Variants in ZNF664 observed in about 807,000 individuals in gnomAD.
The protein encoded by ZNF664 is zinc finger Organ of Corti 1.
ZNF664 carries 10 observed loss-of-function variants against 18.2 expected under a neutral mutation model. The observed-to-expected ratio is 0.55, with a 90% confidence interval of 0.34 to 0.93. The LOEUF is 0.93. Ranked by LOEUF, ZNF664 falls within the 40% of genes least tolerant of loss-of-function variation. The pLI is 0.02. For synonymous variants in ZNF664, 119 were observed against 104.2 expected, an observed-to-expected ratio of 1.14 and a Z score of -0.86; for missense variants, 193 against 319.0, an observed-to-expected ratio of 0.61 and a Z score of 3.01.
intron 2 of ZNF664, among the ~76,000 whole-genome samples, chr12:123,978,967 A>T (rs1433140407): frequency 6.6e-6 from 1 of 152,240 alleles, no homozygotes; most frequent in Admixed American, 6.5e-5. Context: ...GAAAGATCCT[A>T]CTTCACATTC....
At chr12:124,010,266 A>T (rs1187857223) in intron 3 of ZNF664, among the ~76,000 whole-genome samples, 1 of 152,198 alleles carries the variant, frequency 6.6e-6, no homozygotes, top group Non-Finnish European at 1.5e-5. Flanking sequence ...TTAACATTAC[A>T]TCTCCTCAAA....
chr12:124,007,989 T>TAATC (rs1305776505), intron 3 of ZNF664, among the ~76,000 whole-genome samples: 1 of 152,224 alleles, frequency 6.6e-6, no homozygotes, highest in Non-Finnish European at 1.5e-5. Flanking sequence ...GCACACAGTG[T>TAATC]AATCTCATAC....
Position 123,973,929 on chromosome 12 carries a change from G to A in ZNF664, c.-848G>A. On this transcript the variant is annotated 5_prime_UTR_variant, in exon 2 of 5. Coordinates refer to ENST00000337815, the MANE Select transcript of ZNF664 (RefSeq NM_152437.3). The stretch of plus-strand genomic sequence containing the variant: ...GAGGAGGCGAGCATCCCGCTCAGGT[G>A]ATGAGGAACCCCTCGCGCACCCAGC... 8.1e-7 allele frequency: 1 copy of A among 1,231,960 alleles called. No individual in the cohort carries two copies. Among genetic ancestry groups the A allele is most frequent in the Non-Finnish European group, 1.0e-6 (1 of 988,120 alleles). 76.3% of individuals were successfully genotyped at this position (1,231,960 alleles called of 1,614,324 possible). A position where few individuals can be genotyped will look rare whatever the true frequency, so the allele number is the denominator to read the frequency against.
chr12:123,985,384 A>G (rs575354594), intron 2 of ZNF664, among the ~76,000 whole-genome samples: 1 of 152,340 alleles, frequency 6.6e-6, no homozygotes, highest in East Asian at 1.9e-4. Flanking sequence ...TATTCATGAC[A>G]TTTGAGGGAG....
intron 3 of ZNF664, among the ~76,000 whole-genome samples, chr12:124,007,483 G>T (rs111630369): frequency 0.013 from 2,007 of 150,694 alleles, 33 homozygotes; most frequent in African/African-American, 0.034. Flanking sequence ...TCGCTGCCCT[G>T]CAGCCACTGC....
In ZNF664 at chr12:124,012,561, A is replaced by C; in HGVS notation, c.417A>C (p.Gly139=). ...NLCMHQRVHT[G]EKPFKCEECG... is the part of the protein sequence containing the mutation. ...GCATGCATCAGAGAGTCCACACCGG[A>C]GAGAAGCCCTTTAAATGTGAAGAGT... The change falls in exon 5 of 5, where the codon GGA becomes GGC. Residue 139 remains glycine (G), a synonymous_variant. Coordinates refer to ENST00000337815, the MANE Select transcript of ZNF664 (RefSeq NM_152437.3). The C allele has an allele frequency of 6.2e-7, 1 of 1,614,024 alleles. No individual in the cohort carries two copies. The highest frequency in any genetic ancestry group is 8.5e-7 in the Non-Finnish European group (1 of 1,179,964).
At chr12:124,008,141 T>C (rs1210576409) in intron 3 of ZNF664, among the ~76,000 whole-genome samples, 3 of 152,206 alleles carry the variant, frequency 2.0e-5, no homozygotes, top group African/African-American at 7.2e-5. Context: ...CGGCTTTTTT[T>C]CCCTCGTGTC....
chr12:124,012,130 T>C lies in ZNF664; in HGVS notation c.-15T>C. 6.3e-7 allele frequency: 1 copy of C among 1,592,446 alleles called. No homozygotes were observed. The highest frequency in any genetic ancestry group is 1.7e-4 in the Middle Eastern group (1 of 5,912). On this transcript the variant is annotated 5_prime_UTR_variant, in exon 5 of 5. Transcript: ENST00000337815. ...GGAAATTTTCTCCTTGAAATCACGA[T>C]ACCAAATAGGAAAAATGATCTACAA...
At chr12:123,980,156 G>A (rs780842538) in intron 2 of ZNF664, among the ~76,000 whole-genome samples, 1 of 152,162 alleles carries the variant, frequency 6.6e-6, no homozygotes, top group Non-Finnish European at 1.5e-5. Flanking sequence ...ATAAGAATTA[G>A]AAAAAGACTA....
intron 2 of ZNF664, among the ~76,000 whole-genome samples, chr12:123,984,790 T>A (rs1269661060): frequency 6.6e-6 from 1 of 152,048 alleles, no homozygotes; most frequent in East Asian, 1.9e-4. Context: ...AAGAAAAGAC[T>A]GTGTTAAGAA....
chr12:123,999,158 A>G (rs1395396080), intron 3 of ZNF664, among the ~76,000 whole-genome samples: 1 of 152,196 alleles, frequency 6.6e-6, no homozygotes, highest in East Asian at 1.9e-4. Context: ...TGCTGTATGC[A>G]TGTGGGGAGA....
At chr12:123,993,312 A>G (rs1956909907) in intron 3 of ZNF664, among the ~76,000 whole-genome samples, 1 of 152,212 alleles carries the variant, frequency 6.6e-6, no homozygotes, top group Non-Finnish European at 1.5e-5. Flanking sequence ...TCTTTGGGAC[A>G]TGAATCTGCC....
At position 123,974,091 on chromosome 12, in the gene ZNF664, G is replaced by C. The variant is rs1003745513; in HGVS notation, c.-757+71G>C. The C allele has an allele frequency of 3.7e-6, 4 of 1,090,296 alleles. No individual in the cohort carries two copies. In the South Asian group the frequency reaches 1.4e-4, roughly 38 times the overall value. The allele number at this position is 1,090,296 out of a possible 1,614,324, so 67.5% of individuals were successfully genotyped here. On this transcript the variant is annotated intron_variant, in intron 2 of 4. Transcript: ENST00000337815. ...CCGCAGGCGTTCTCACCCCTTCCAGGACTCGACTGCAGTTTTCTCACTGTC... is the reference window on the plus strand; with the variant it reads ...CCGCAGGCGTTCTCACCCCTTCCAGCACTCGACTGCAGTTTTCTCACTGTC...
chr12:123,999,975 A>G (rs147472141), intron 3 of ZNF664, among the ~76,000 whole-genome samples: 26 of 152,304 alleles, frequency 1.7e-4, no homozygotes, highest in South Asian at 6.2e-4. Context: ...TTGGTGGTCT[A>G]TGATTCTGTT....
At chr12:124,009,337 A>G (rs1456645336) in intron 3 of ZNF664, among the ~76,000 whole-genome samples, 1 of 152,168 alleles carries the variant, frequency 6.6e-6, no homozygotes, top group African/African-American at 2.4e-5. Flanking sequence ...TTTTGTTTTA[A>G]CATTCATTTA....
chr12:123,994,523 A>C (rs1956925162), intron 3 of ZNF664, among the ~76,000 whole-genome samples: 1 of 152,204 alleles, frequency 6.6e-6, no homozygotes, highest in African/African-American at 2.4e-5. Context: ...AAATGTATGG[A>C]GTTTAAATAA....
Position 124,013,665 on chromosome 12 carries a change from TC to T in ZNF664, c.*736del, listed in dbSNP as rs1957159248. 2 of 167,112 alleles carry T rather than the reference TC, an allele frequency of 1.2e-5. No individual in the cohort carries two copies. The highest frequency in any genetic ancestry group is 2.9e-5 in the Non-Finnish European group (2 of 68,126). 10.4% of individuals were successfully genotyped at this position (167,112 alleles called of 1,614,324 possible). On this transcript the variant is annotated 3_prime_UTR_variant, in exon 5 of 5. Coordinates refer to ENST00000337815, the MANE Select transcript of ZNF664 (RefSeq NM_152437.3). ...TTGTAGTGGCTGCATCACATATTTT[TC>T]ACTTGAATTTTTTTGGAAATAGCTG...
chr12:123,992,269 G>T (rs1384770937), intron 3 of ZNF664, among the ~76,000 whole-genome samples: 2 of 152,202 alleles, frequency 1.3e-5, no homozygotes, highest in African/African-American at 2.4e-5. Flanking sequence ...TGGAAGGACT[G>T]TTGTCAGTTT....
At chr12:123,982,585 A>G (rs1051740002) in intron 2 of ZNF664, among the ~76,000 whole-genome samples, 4 of 152,076 alleles carry the variant, frequency 2.6e-5, no homozygotes, top group African/African-American at 7.2e-5. Context: ...CCCAATTCCA[A>G]ATTCTCTAGA....
Sources: allele counts gnomAD v4.1 joint callset (sites outside exome capture counted in the v4.1 genomes callset), GRCh38; gene constraint gnomAD v4.1.1; transcripts MANE v1.5; gene names NCBI Gene and HGNC (gene_info 2026-07-23, HGNC 2026-07-21).